KIAA0825: variants seen among roughly 807,000 people sequenced by gnomAD.
The protein encoded by KIAA0825 is uncharacterized protein KIAA0825.
A neutral mutation model predicts 147.6 loss-of-function variants in KIAA0825; 119 were observed. The ratio of observed to expected loss-of-function variants is 0.81; its 90% CI spans 0.69 to 0.94. The LOEUF (loss-of-function observed/expected upper bound fraction) is 0.94. Among genes scored for constraint, KIAA0825 ranks in the 40% least tolerant of loss-of-function variants. KIAA0825 has a pLI of 0.00. For missense variants in KIAA0825, 1,381 were observed against 1,472.7 expected, an observed-to-expected ratio of 0.94 and a Z score of 1.02; for synonymous variants, 470 against 518.1, an observed-to-expected ratio of 0.91 and a Z score of 1.26.
chr5:94,274,537 T>C (rs1224385540), intron 20 of KIAA0825, among the ~76,000 whole-genome samples: 2 of 152,136 alleles, frequency 1.3e-5, no homozygotes, highest in South Asian at 2.1e-4. Context: ...TTAAGGAGCT[T>C]ACAGAATAGC....
chr5:94,555,309 A>T (rs1776340824), intron 2 of KIAA0825, among the ~76,000 whole-genome samples: 1 of 152,168 alleles, frequency 6.6e-6, no homozygotes, highest in Non-Finnish European at 1.5e-5. Flanking sequence ...ATATTAGGAA[A>T]CAAAGAACTT....
chr5:94,316,216 C>T (rs1467255754), intron 20 of KIAA0825, among the ~76,000 whole-genome samples: 3 of 151,488 alleles, frequency 2.0e-5, no homozygotes, highest in Admixed American at 1.3e-4. Context: ...AAACCTAAGA[C>T]ATTAGTAGTT....
At chr5:94,301,265 C>T (rs1778387744) in intron 20 of KIAA0825, among the ~76,000 whole-genome samples, 1 of 152,094 alleles carries the variant, frequency 6.6e-6, no homozygotes, top group Non-Finnish European at 1.5e-5. Context: ...ATCCCCATTA[C>T]ATCCCCCAAC....
chr5:94,216,401 CATT>C (rs1405985961), intron 20 of KIAA0825, among the ~76,000 whole-genome samples: 1 of 152,108 alleles, frequency 6.6e-6, no homozygotes, highest in Non-Finnish European at 1.5e-5. Context: ...TTGAGAGAAA[CATT>C]GTTGGAAGCC....
intron 20 of KIAA0825, among the ~76,000 whole-genome samples, chr5:94,231,228 C>T (rs1205262363): frequency 6.6e-6 from 1 of 152,068 alleles, no homozygotes; most frequent in Non-Finnish European, 1.5e-5. Context: ...CTCAACAGGG[C>T]ATCAAGGTAC....
At chr5:94,553,679 T>C (rs1283289247) in intron 2 of KIAA0825, among the ~76,000 whole-genome samples, 4 of 151,646 alleles carry the variant, frequency 2.6e-5, no homozygotes, top group Admixed American at 6.6e-5. Context: ...GGCAGGAGAA[T>C]TGCTTGAACC....
Position 94,151,994 on chromosome 5 carries a change from C to T in KIAA0825, c.*2013G>A, listed in dbSNP as rs1766536239. On this transcript the variant is annotated 3_prime_UTR_variant, in exon 21 of 21. Transcript: ENST00000682413. ...TAAAGATCAGATTAGATGGAATGTC[C>T]AGTTCTCATAAAATTTTCCTACCAT... Among the ~76,000 whole-genome samples, 1 of 152,102 alleles carries T rather than the reference C, an allele frequency of 6.6e-6. No individual in the cohort carries two copies. Among genetic ancestry groups the T allele is most frequent in the African/African-American group, 2.4e-5 (1 of 41,416 alleles).
intron 20 of KIAA0825, among the ~76,000 whole-genome samples, chr5:94,321,649 GC>G (rs1780211911): frequency 6.6e-6 from 1 of 151,910 alleles, no homozygotes; most frequent in African/African-American, 2.4e-5. Flanking sequence ...GTTTTCATAT[GC>G]AACAGATTAT....
At chr5:94,300,631 A>T (rs1778354557) in intron 20 of KIAA0825, among the ~76,000 whole-genome samples, 1 of 152,184 alleles carries the variant, frequency 6.6e-6, no homozygotes, top group Non-Finnish European at 1.5e-5. Flanking sequence ...CCAAAATCTG[A>T]AAAGAATAGC....
chr5:94,459,100 T>C (rs1759498699), intron 12 of KIAA0825, among the ~76,000 whole-genome samples: 1 of 152,158 alleles, frequency 6.6e-6, no homozygotes, highest in Admixed American at 6.6e-5. Flanking sequence ...GTCTGGTTTT[T>C]TTCACTTAGC....
intron 5 of KIAA0825, among the ~76,000 whole-genome samples, chr5:94,485,725 C>A (rs1343158552): frequency 6.6e-6 from 1 of 151,586 alleles, no homozygotes; most frequent in Admixed American, 6.6e-5. Flanking sequence ...ATCCTGGCAA[C>A]CTTTTTGTAA....
chr5:94,465,295 A>G (rs1760346491), intron 10 of KIAA0825, among the ~76,000 whole-genome samples: 1 of 152,244 alleles, frequency 6.6e-6, no homozygotes, highest in South Asian at 2.1e-4. Context: ...TTAACCTAGC[A>G]TAGCCTTGAT....
chr5:94,616,660 T>C (rs754819968), intron 1 of KIAA0825, among the ~76,000 whole-genome samples: 1 of 152,220 alleles, frequency 6.6e-6, no homozygotes, highest in Admixed American at 6.5e-5. Flanking sequence ...TCTCCAGATC[T>C]TCTGCATTTG....
chr5:94,570,147 T>A (rs138203535), intron 2 of KIAA0825: 2 of 152,396 alleles, frequency 1.3e-5, no homozygotes, highest in African/African-American at 4.8e-5. Context: ...CTACACGAAA[T>A]AGGATCAAAC....
At chr5:94,332,504 C>T (rs1466623641) in intron 20 of KIAA0825, among the ~76,000 whole-genome samples, 2 of 152,092 alleles carry the variant, frequency 1.3e-5, no homozygotes, top group African/African-American at 4.8e-5. Context: ...TGTTAGTTTG[C>T]TGAGAATGAT....
chr5:94,533,484 C>A (rs1055298301), intron 3 of KIAA0825, among the ~76,000 whole-genome samples: 2 of 151,710 alleles, frequency 1.3e-5, no homozygotes, highest in Non-Finnish European at 2.9e-5. Context: ...ATCATATTGG[C>A]CAGGCTGGTC....
chr5:94,490,399 C>T (rs1441650317), intron 5 of KIAA0825, among the ~76,000 whole-genome samples: 1 of 151,956 alleles, frequency 6.6e-6, no homozygotes, highest in East Asian at 1.9e-4. Context: ...TAAATATTTA[C>T]AATATTCTAT....
intron 20 of KIAA0825, among the ~76,000 whole-genome samples, chr5:94,182,323 G>T (rs1446495161): frequency 7.6e-6 from 1 of 131,202 alleles, no homozygotes; most frequent in African/African-American, 2.9e-5. Context: ...GCAGTGGCAT[G>T]ATCTTGGCTC....
At chr5:94,272,206 G>A (rs939221481) in intron 20 of KIAA0825, among the ~76,000 whole-genome samples, 1 of 151,206 alleles carries the variant, frequency 6.6e-6, no homozygotes, top group African/African-American at 2.4e-5. Context: ...GTGGGGGGAG[G>A]ACAGGGACAT....
Sources: gnomAD v4.1 joint callset for allele counts (sites outside exome capture counted in the v4.1 genomes callset) on GRCh38, gnomAD v4.1.1 for gene constraint, MANE v1.5 for transcripts, NCBI Gene and HGNC (gene_info 2026-07-23, HGNC 2026-07-21) for gene names.